The following PHF21A variants were observed in gnomAD, a reference collection of about 807,000 sequenced individuals.
PHF21A encodes PHD finger protein 21A.
PHF21A carries 11 observed loss-of-function variants against 82.5 expected under a neutral mutation model. That is an observed-to-expected ratio of 0.13 (90% CI 0.08 to 0.22). PHF21A has a LOEUF of 0.22. Among genes scored for constraint, PHF21A ranks in the 10% least tolerant of loss-of-function variants. The pLI is 1.00. For missense variants in PHF21A, 579 were observed against 837.8 expected (o/e 0.69, Z 3.81); for synonymous variants, 297 against 302.8 (o/e 0.98, Z 0.20).
intron 10 of PHF21A, among the ~76,000 whole-genome samples, chr11:45,962,401 T>C (rs1201768037): frequency 1.3e-5 from 2 of 152,054 alleles, no homozygotes; most frequent in Non-Finnish European, 2.9e-5. Flanking sequence ...TTACTGGCTA[T>C]AAATGTGATA....
At chr11:46,053,374 A>G (rs1477071392) in intron 6 of PHF21A, among the ~76,000 whole-genome samples, 2 of 152,126 alleles carry the variant, frequency 1.3e-5, no homozygotes, top group African/African-American at 2.4e-5. Flanking sequence ...CACAACTAAT[A>G]TTTTGCAAGA....
At chr11:45,987,310 G>A (rs182317494) in intron 6 of PHF21A, among the ~76,000 whole-genome samples, 2 of 136,584 alleles carry the variant, frequency 1.5e-5, no homozygotes, top group South Asian at 2.3e-4. Flanking sequence ...GACCCTAGAC[G>A]CAGTAAATAC....
chr11:45,969,790 T>C (rs370092547), intron 9 of PHF21A, 25 bp downstream of exon 9: 66 of 1,489,058 alleles, frequency 4.4e-5, no homozygotes, highest in Non-Finnish European at 1.2e-5. Flanking sequence ...TAACCTATCA[T>C]TGAGCTTGTC....
chr11:46,044,423 G>A (rs2096220823), intron 6 of PHF21A, among the ~76,000 whole-genome samples: 1 of 152,018 alleles, frequency 6.6e-6, no homozygotes, highest in East Asian at 1.9e-4. Flanking sequence ...CACTTCCAGT[G>A]ACCCCGGTAC....
At chr11:46,024,625 C>A (rs1265854651) in intron 6 of PHF21A, among the ~76,000 whole-genome samples, 1 of 152,012 alleles carries the variant, frequency 6.6e-6, no homozygotes, top group Non-Finnish European at 1.5e-5. Context: ...AATGGTGAAA[C>A]CCCATCTCTA....
intron 6 of PHF21A, among the ~76,000 whole-genome samples, chr11:45,993,657 A>G (rs778946324): frequency 5.9e-5 from 9 of 151,826 alleles, no homozygotes; most frequent in Non-Finnish European, 1.3e-4. Context: ...AGCTGGGCCA[A>G]CAGGGAGAGA....
chr11:45,955,283 A>AACACAC (rs3061874), intron 10 of PHF21A, among the ~76,000 whole-genome samples: 2 of 148,554 alleles, frequency 1.3e-5, no homozygotes, highest in African/African-American at 2.5e-5. Context: ...TTCTCTCTCC[A>AACACAC]ACACACACAC....
At chr11:45,987,946 G>A (rs2136528607) in intron 6 of PHF21A, among the ~76,000 whole-genome samples, 1 of 152,278 alleles carries the variant, frequency 6.6e-6, no homozygotes, top group East Asian at 1.9e-4. Context: ...AGCTGCTGTG[G>A]TTTTCCTCAC....
intron 3 of PHF21A, among the ~76,000 whole-genome samples, chr11:46,089,220 A>T (rs935543780): frequency 2.6e-5 from 4 of 152,166 alleles, no homozygotes; most frequent in Non-Finnish European, 5.9e-5. Context: ...ACGTATCTTT[A>T]CTTCTTGTAC....
At chr11:46,026,872 G>A (rs185414332) in intron 6 of PHF21A, 1 of 152,142 alleles carries the variant, frequency 6.6e-6, no homozygotes, top group Non-Finnish European at 1.5e-5. Flanking sequence ...TAAATGCCTG[G>A]CCCACCAAAG....
At chr11:46,051,862 T>C (rs966398436) in intron 6 of PHF21A, among the ~76,000 whole-genome samples, 9 of 152,168 alleles carry the variant, frequency 5.9e-5, no homozygotes, top group Admixed American at 3.9e-4. Flanking sequence ...CAAAAATTCT[T>C]CTGTACAGAA....
intron 15 of PHF21A, among the ~76,000 whole-genome samples, chr11:45,945,231 G>C (rs762054471): frequency 6.6e-6 from 1 of 152,180 alleles, no homozygotes; most frequent in Non-Finnish European, 1.5e-5. Flanking sequence ...GTGAGTATCT[G>C]CTGAGTGAAT....
intron 5 of PHF21A, 43 bp downstream of exon 5, chr11:46,079,091 T>C (rs567698165): frequency 3.3e-6 from 4 of 1,229,708 alleles, no homozygotes; most frequent in East Asian, 2.5e-5. Flanking sequence ...TTTTAAATTA[T>C]TTTTAAATTT....
intron 5 of PHF21A, among the ~76,000 whole-genome samples, chr11:46,078,251 TAA>T (rs965083622): frequency 8.5e-5 from 13 of 152,184 alleles, no homozygotes; most frequent in African/African-American, 2.9e-4. Flanking sequence ...TTTGTAGAGA[TAA>T]GTGTTATTTT....
intron 6 of PHF21A, among the ~76,000 whole-genome samples, chr11:45,997,566 G>A (rs530235796): frequency 1.8e-4 from 27 of 149,570 alleles, no homozygotes; most frequent in Admixed American, 4.6e-4. Context: ...TTTCTCCTCT[G>A]CCTAATAACA....
intron 1 of PHF21A, among the ~76,000 whole-genome samples, chr11:46,109,339 TA>T (rs1315195896): frequency 6.6e-6 from 1 of 152,188 alleles, no homozygotes; most frequent in African/African-American, 2.4e-5. Context: ...CTTAGCACTA[TA>T]CATAATAAAC....
intron 6 of PHF21A, among the ~76,000 whole-genome samples, chr11:46,048,695 G>A (rs1012784247): frequency 5.3e-5 from 8 of 152,032 alleles, no homozygotes; most frequent in East Asian, 1.9e-4. Flanking sequence ...GCTTGAACCC[G>A]GGAGGCAGAG....
chr11:46,072,004 CTA>C (rs1437497851), intron 6 of PHF21A, among the ~76,000 whole-genome samples: 1 of 151,976 alleles, frequency 6.6e-6, no homozygotes, highest in Non-Finnish European at 1.5e-5. Context: ...TGTTAATATT[CTA>C]TGTTAAATAT....
At chr11:45,977,175 T>C (rs892805771) in intron 7 of PHF21A, among the ~76,000 whole-genome samples, 15 of 150,650 alleles carry the variant, frequency 1.0e-4, no homozygotes, top group African/African-American at 3.4e-4. Flanking sequence ...AGTCTTGCTC[T>C]GTCGCCCAGC....
Sources: gnomAD v4.1 joint callset for allele counts (sites outside exome capture counted in the v4.1 genomes callset) on GRCh38, gnomAD v4.1.1 for gene constraint, MANE v1.5 for transcripts, NCBI Gene and HGNC (gene_info 2026-07-23, HGNC 2026-07-21) for gene names.